The following IDE variants were observed in gnomAD, a reference collection of about 807,000 sequenced individuals.
IDE encodes the protein insulin-degrading enzyme.
IDE carries 58 observed loss-of-function variants against 133.2 expected under a neutral mutation model. The ratio of observed to expected loss-of-function variants is 0.44; its 90% CI spans 0.35 to 0.54. The LOEUF (loss-of-function observed/expected upper bound fraction) is 0.54. Among genes scored for constraint, IDE ranks in the 20% least tolerant of loss-of-function variants. IDE has a pLI of 0.00. For missense variants in IDE, 981 were observed against 1,234.0 expected (o/e 0.79, Z 3.07); for synonymous variants, 396 against 421.3 (o/e 0.94, Z 0.73).
chr10:92,511,116 T>C (rs1464167795), intron 5 of IDE, among the ~76,000 whole-genome samples: 3 of 150,620 alleles, frequency 2.0e-5, no homozygotes, highest in Non-Finnish European at 4.4e-5. Flanking sequence ...TTTTTTTTTT[T>C]TTTGAAGCAA....
In IDE at chr10:92,497,023, C is replaced by T. The variant is rs57802862; in HGVS notation, c.1431-6428G>A. 9.2e-5 allele frequency among the ~76,000 whole-genome samples: 14 copies of T among 152,288 alleles called. No homozygotes were observed. The East Asian group carries it at 1.9e-3, about 21-fold the overall frequency. On this transcript the variant is annotated intron_variant, in intron 11 of 24. Transcript: ENST00000265986. ...ATAAGCCAGTAAATTAGGAATTGATCCCTGACAAAATTCTACAGTTAACTG... is the reference window on the plus strand; with the variant it reads ...ATAAGCCAGTAAATTAGGAATTGATTCCTGACAAAATTCTACAGTTAACTG...
At position 92,454,157 on chromosome 10, in the gene IDE, G is replaced by A; in HGVS notation, c.*287C>T. 8.2e-6 allele frequency: 2 copies of A among 244,336 alleles called. No homozygotes were observed. Among genetic ancestry groups the A allele is most frequent in the South Asian group, 1.5e-4 (2 of 13,406 alleles). 15.1% of individuals were successfully genotyped at this position (244,336 alleles called of 1,614,324 possible). ...CAGAATAGGGAAGGAAGATTCTATAGGAATATCATTCATTTTAAGCATTGT... is the reference window on the plus strand; with the variant it reads ...CAGAATAGGGAAGGAAGATTCTATAAGAATATCATTCATTTTAAGCATTGT... On this transcript the variant is annotated 3_prime_UTR_variant, in exon 25 of 25. Coordinates refer to ENST00000265986, the MANE Select transcript of IDE (RefSeq NM_004969.4).
At chr10:92,565,754 C>T (rs7076966) in intron 1 of IDE, among the ~76,000 whole-genome samples, 56,733 of 152,004 alleles carry the variant, frequency 0.37, 11,955 homozygotes, top group East Asian at 0.67. Flanking sequence ...CTCCCCTTGG[C>T]TATCCAGTAA....
chr10:92,490,838 G>C (rs1292538058), intron 11 of IDE, among the ~76,000 whole-genome samples: 1 of 152,142 alleles, frequency 6.6e-6, no homozygotes, highest in Admixed American at 6.5e-5. Flanking sequence ...TCGCAGGAGA[G>C]ATTCCTCTAG....
chr10:92,529,430 T>A (rs1054078260), intron 4 of IDE, among the ~76,000 whole-genome samples: 2 of 152,228 alleles, frequency 1.3e-5, no homozygotes, highest in Non-Finnish European at 2.9e-5. Flanking sequence ...CTCACTTGTT[T>A]CTCAGCTGTT....
At chr10:92,477,043 C>T (rs1846294386) in intron 15 of IDE, among the ~76,000 whole-genome samples, 1 of 151,972 alleles carries the variant, frequency 6.6e-6, no homozygotes, top group Non-Finnish European at 1.5e-5. Context: ...GCAGGATCCA[C>T]AATTCTAACC....
intron 1 of IDE, among the ~76,000 whole-genome samples, chr10:92,569,559 CAGG>C (rs1843694165): frequency 6.6e-6 from 1 of 152,014 alleles, no homozygotes; most frequent in Non-Finnish European, 1.5e-5. Context: ...ATGAAAGACT[CAGG>C]AGGATTGGGT....
At chr10:92,481,244 T>C (rs995300042) in intron 14 of IDE, among the ~76,000 whole-genome samples, 9 of 152,166 alleles carry the variant, frequency 5.9e-5, no homozygotes, top group African/African-American at 1.9e-4. Flanking sequence ...CAAAGCACTA[T>C]GGCTCAGGCT....
At chr10:92,545,686 G>A (rs895265479) in intron 1 of IDE, among the ~76,000 whole-genome samples, 3 of 152,158 alleles carry the variant, frequency 2.0e-5, no homozygotes, top group African/African-American at 4.8e-5. Context: ...AAGTTGGTGT[G>A]ACAGATTAAA....
intron 22 of IDE, among the ~76,000 whole-genome samples, chr10:92,458,490 GTTTTTTTTTTTTTTTT>G (rs71028821): frequency 1.2e-5 from 1 of 83,882 alleles, no homozygotes; most frequent in African/African-American, 5.6e-5. Flanking sequence ...TACTCTCTCT[GTTTTTTTTTTTTTTTT>G]TTTTTTTTTT....
rs184618228 is a variant in IDE at position 92,497,203 on chromosome 10, G to A, written c.1431-6608C>T. On this transcript the variant is annotated intron_variant, in intron 11 of 24. Transcript: ENST00000265986. ...ATAGCTGTCTTTGTAGATTTAATAT[G>A]GTAAAACAGGCACCAAATGATAGGA... Among the ~76,000 whole-genome samples, 417 of 152,296 alleles carry A rather than the reference G, an allele frequency of 2.7e-3. 3 individuals carry two copies. Among genetic ancestry groups the A allele is most frequent in the Non-Finnish European group, 5.1e-3 (347 of 68,024 alleles).
At chr10:92,572,849 A>AC (rs949461161) in intron 1 of IDE, 47 of 826,804 alleles carry the variant, frequency 5.7e-5, no homozygotes, top group Middle Eastern at 1.2e-3. Context: ...AAGCCAGCCT[A>AC]CCCCCCCATC....
At chr10:92,494,426 T>C (rs1263053556) in intron 11 of IDE, among the ~76,000 whole-genome samples, 1 of 150,570 alleles carries the variant, frequency 6.6e-6, no homozygotes, top group East Asian at 2.0e-4. Flanking sequence ...GCTGCCAATA[T>C]GGTAATGATG....
intron 8 of IDE, 66 bp downstream of exon 8, chr10:92,508,044 TGAA>T: frequency 9.4e-7 from 1 of 1,069,064 alleles, no homozygotes; most frequent in South Asian, 1.3e-5. Context: ...ATCCACAGCA[TGAA>T]GAAGTTAAAA....
intron 1 of IDE, among the ~76,000 whole-genome samples, chr10:92,564,671 CAAAAAAAAAAAAAAAAAAAAA>C (rs532861372): frequency 1.0e-3 from 32 of 31,562 alleles, no homozygotes; most frequent in Middle Eastern, 0.05. Context: ...GAGACTGTCT[CAAAAAAAAAAAAAAAAAAAAA>C]AAAAAAAAAA....
intron 1 of IDE, among the ~76,000 whole-genome samples, chr10:92,561,155 C>G (rs984586066): frequency 1.1e-4 from 16 of 151,976 alleles, no homozygotes; most frequent in African/African-American, 3.9e-4. Flanking sequence ...ATTCAGGAGG[C>G]TGAGGCAGGA....
chr10:92,506,571 AC>A (rs1331541196), intron 9 of IDE, 49 bp from the exon 10 acceptor site: 2 of 882,460 alleles, frequency 2.3e-6, no homozygotes, highest in Non-Finnish European at 3.6e-6. Context: ...TTATTTAGAA[AC>A]CTTTTTTTTT....
At position 92,483,356 on chromosome 10, in the gene IDE, T is replaced by C. The variant is rs1362138561; in HGVS notation, c.1657-19A>G. ...CTGTATCCTGTGATGGAGAAACAAT[T>C]TGGTTAGGGAAATAGAGGCGCATTC... On this transcript the variant is annotated intron_variant, in intron 13 of 24. Transcript: ENST00000265986. The C allele has an allele frequency of 6.8e-7, 1 of 1,473,464 alleles. No individual in the cohort carries two copies. Among genetic ancestry groups the C allele is most frequent in the Non-Finnish European group, 9.5e-7 (1 of 1,054,014 alleles). The allele number at this position is 1,473,464 out of a possible 1,614,324, so 91.3% of individuals were successfully genotyped here. A position where few individuals can be genotyped will look rare whatever the true frequency, so the allele number is the denominator to read the frequency against.
chr10:92,526,096 T>C (rs1849609963), intron 4 of IDE, among the ~76,000 whole-genome samples: 1 of 150,056 alleles, frequency 6.7e-6, no homozygotes, highest in Non-Finnish European at 1.5e-5. Flanking sequence ...GAGGTTGCAG[T>C]GAGCTGAGAT....
Sources: gnomAD v4.1 joint callset for allele counts (sites outside exome capture counted in the v4.1 genomes callset) on GRCh38, gnomAD v4.1.1 for gene constraint, MANE v1.5 for transcripts, NCBI Gene and HGNC (gene_info 2026-07-23, HGNC 2026-07-21) for gene names.